Variants in DOC2A observed in about 807,000 individuals in gnomAD.
DOC2A encodes the protein double C2-like domain-containing protein alpha.
Under a neutral mutation model 40.6 loss-of-function variants are expected in DOC2A, and 28 were observed. The ratio of observed to expected loss-of-function variants is 0.69; its 90% CI spans 0.51 to 0.95. The LOEUF is 0.95. Ranked by LOEUF, DOC2A falls within the 40% of genes least tolerant of loss-of-function variation. DOC2A has a pLI of 0.00. For missense variants in DOC2A, 474 were observed against 552.5 expected (o/e 0.86, Z 1.42); for synonymous variants, 241 against 236.9 (o/e 1.02, Z -0.16).
chr16:30,023,202 C>A (rs1056096396), upstream of DOC2A: 1 of 700,836 alleles, frequency 1.4e-6, no homozygotes, highest in Non-Finnish European at 2.4e-6. Context: ...CCCAACCTCT[C>A]TTCTCCTCTC....
Position 30,009,809 on chromosome 16 carries a change from A to G in DOC2A, c.262+152T>C. On this transcript the variant is annotated intron_variant, in intron 2 of 10. Transcript: ENST00000350119. This position sits in a 1 kb window ranked among gnomAD's most constrained non-coding sequence, Gnocchi z 4.1. ...TGCTGAAGCTGTAATCTCCACGCTG[A>G]CTGCAGCTGTGGTGGCCGTCCCTGC... is the stretch of plus-strand genomic sequence containing the variant. 1 of 940,672 alleles carries G rather than the reference A, an allele frequency of 1.1e-6. No individual in the cohort carries two copies. The highest frequency in any genetic ancestry group is 1.4e-5 in the South Asian group (1 of 70,826). The allele number at this position is 940,672 out of a possible 1,614,324, so 58.3% of individuals were successfully genotyped here.
upstream of DOC2A, among the ~76,000 whole-genome samples, chr16:30,022,434 G>T (rs1156380038): frequency 6.6e-6 from 1 of 152,122 alleles, no homozygotes; most frequent in African/African-American, 2.4e-5. Flanking sequence ...ACTTTGGGAG[G>T]CCGAAGCTGG....
rs574751995 is a variant in DOC2A, at chr16:30,009,869, C to T, written c.262+92G>A. ...ACTGCCCTCCTCCCCTACCTACATG[C>T]ACAGCCAGCAGGGCCCATCCCCCTC... On this transcript the variant is annotated intron_variant, in intron 2 of 10. Transcript: ENST00000350119. This position sits in a 1 kb window ranked among gnomAD's most constrained non-coding sequence, Gnocchi z 4.1. 7.1e-7 allele frequency: 1 copy of T among 1,418,016 alleles called. No individual in the cohort carries two copies. The highest frequency in any genetic ancestry group is 1.7e-5 in the Admixed American group (1 of 57,604). 87.8% of individuals were successfully genotyped at this position (1,418,016 alleles called of 1,614,324 possible).
In DOC2A at chr16:30,006,256, G is replaced by A. The variant is rs773655247; in HGVS notation, c.1133C>T (p.Ala378Val). ...HWSDCLQQPDAALERWHTLTS... is the reference protein window; with the variant it reads ...HWSDCLQQPDVALERWHTLTS... ...CAGGGTGTGCCAGCGCTCCAGGGCT[G>A]CGTCCGGCTGCTGCAGGCAGTCACT... Residue 378 changes from alanine (A) to valine (V), a missense_variant, in exon 11 of 11, where the codon GCA becomes GTA. Transcript: ENST00000350119. The surrounding 1 kb of genome is among the most constrained non-coding windows in gnomAD (Gnocchi z 6.2). The A allele has an allele frequency of 1.3e-6, 2 of 1,596,444 alleles. No individual in the cohort carries two copies. The highest frequency in any genetic ancestry group is 4.5e-5 in the East Asian group (2 of 44,088).
At chr16:30,019,274 C>T (rs139899259) in intron 1 of DOC2A, among the ~76,000 whole-genome samples, 3 of 152,216 alleles carry the variant, frequency 2.0e-5, no homozygotes, top group East Asian at 3.9e-4. Context: ...GCCGAGATCG[C>T]GCCACTGCAC....
chr16:30,017,609 T>G (rs2070866921), intron 1 of DOC2A, among the ~76,000 whole-genome samples: 1 of 151,830 alleles, frequency 6.6e-6, no homozygotes. Flanking sequence ...GACATAAAGA[T>G]GAGAATAACA....
chr16:30,018,839 G>C (rs1413630721), intron 1 of DOC2A: 1 of 152,334 alleles, frequency 6.6e-6, no homozygotes, highest in African/African-American at 2.4e-5. Context: ...GAGTTGGCTG[G>C]AGAAGGAGTC....
chr16:30,007,292 C>A lies in DOC2A; in HGVS notation c.535G>T (p.Val179Phe). The A allele has an allele frequency of 6.2e-7, 1 of 1,613,862 alleles. No individual in the cohort carries two copies. The highest frequency in any genetic ancestry group is 8.5e-7 in the Non-Finnish European group (1 of 1,180,032). ...TGACTCAGCTTGTCCTCATCACAGA[C>A]GGCGATCCTGGTCGGGAACTGCAGT... ...DITHKVLRIA[V>F]CDEDKLSHNE... The change falls in exon 6 of 11, where the codon GTC (valine) becomes TTC (phenylalanine). Residue 179 changes from valine to phenylalanine, a missense_variant. By Grantham distance (50) the Val-to-Phe change is conservative. Transcript: ENST00000350119.
chr16:30,021,477 G>C (rs932417777), upstream of DOC2A: 2 of 152,396 alleles, frequency 1.3e-5, no homozygotes, highest in Admixed American at 1.3e-4. Flanking sequence ...GGGAGCCGCC[G>C]GCCACAGAAG....
rs1357301063 is a variant in DOC2A, at chr16:30,005,941, CG to C, written c.*244del. The C allele has an allele frequency of 1.2e-5, 7 of 581,490 alleles. No homozygotes were observed. Among genetic ancestry groups the C allele is most frequent in the South Asian group, 2.1e-5 (1 of 47,850 alleles). The allele number at this position is 581,490 out of a possible 1,614,324, so 36.0% of individuals were successfully genotyped here. A position where few individuals can be genotyped will look rare whatever the true frequency, so the allele number is the denominator to read the frequency against. ...CTGGGGCCGGGCTCTGAGCACTGCCCGGGTGTGCAGATGATGGGGGGTTTGC... is the reference window on the plus strand; with the variant it reads ...CTGGGGCCGGGCTCTGAGCACTGCCCGGTGTGCAGATGATGGGGGGTTTGC... On this transcript the variant is annotated 3_prime_UTR_variant, in exon 11 of 11. Transcript: ENST00000350119.
chr16:30,009,074 T>C lies in DOC2A; in HGVS notation c.449A>G (p.Asn150Ser). The C allele has an allele frequency of 6.2e-7, 1 of 1,614,084 alleles. No homozygotes were observed. The highest frequency in any genetic ancestry group is 1.3e-5 in the African/African-American group (1 of 75,044). Residue 150 changes from asparagine (N) to serine (S), a missense_variant, in exon 5 of 11, where the codon AAC becomes AGC. By Grantham distance (46) the Asn-to-Ser change is conservative (BLOSUM62 1). Transcript: ENST00000350119. This position sits in a 1 kb window ranked among gnomAD's most constrained non-coding sequence, Gnocchi z 4.1. ...CTCATTCCACACGGGATTCAGTGTG[T>C]TCCTCTGAGTCTTCGTTTTTAGCTT... ...ANKLKTKTQR[N>S]TLNPVWNEDL... is the part of the protein sequence containing the mutation.
chr16:30,007,479 C>A, intron 5 of DOC2A, 180 bp from the exon 6 acceptor site: 1 of 777,404 alleles, frequency 1.3e-6, no homozygotes, highest in Non-Finnish European at 2.1e-6. Context: ...CTGCAGCCAC[C>A]CGGCTGTCCC....
At position 30,007,025 on chromosome 16, in the gene DOC2A, C is replaced by T; in HGVS notation, c.714+6G>A. The T allele has an allele frequency of 6.2e-7, 1 of 1,613,814 alleles. No homozygotes were observed. The highest frequency in any genetic ancestry group is 8.5e-7 in the Non-Finnish European group (1 of 1,179,908). On this transcript the variant is annotated splice_donor_region_variant and intron_variant, in intron 7 of 10. Coordinates refer to ENST00000350119, the MANE Select transcript of DOC2A (RefSeq NM_003586.3). ...CATGCATCCCCATCCCCATGAGGTG[C>T]CTCACCTCCTTCAGATAACAGGAGA...
intron 5 of DOC2A, chr16:30,007,703 A>G (rs536749165): frequency 1.4e-4 from 46 of 318,214 alleles, no homozygotes; most frequent in Admixed American, 2.7e-4. Flanking sequence ...CTTTTCCTGC[A>G]TGCAGCAGAG....
At position 30,010,077 on chromosome 16, in the gene DOC2A, C is replaced by T; in HGVS notation, c.146G>A (p.Gly49Asp). 1 of 1,611,390 alleles carries T rather than the reference C, an allele frequency of 6.2e-7. No individual in the cohort carries two copies. Among genetic ancestry groups the T allele is most frequent in the East Asian group, 2.2e-5 (1 of 44,862 alleles). The change falls in exon 2 of 11, where the codon GGC becomes GAC. Residue 49 changes from glycine to aspartate, a missense_variant. Transcript: ENST00000350119. The surrounding 1 kb of genome is among the most constrained non-coding windows in gnomAD (Gnocchi z 4.2). ...GPGPEGGGGGGGEAPAHLVPL... is the reference protein window; with the variant it reads ...GPGPEGGGGGDGEAPAHLVPL... ...GACCAGATGGGCGGGGGCCTCCCCG[C>T]CGCCCCCGCCGCCCCCTTCAGGTCC...
At chr16:30,019,412 C>T (rs576883406) in intron 1 of DOC2A, among the ~76,000 whole-genome samples, 5 of 152,214 alleles carry the variant, frequency 3.3e-5, no homozygotes, top group Non-Finnish European at 4.4e-5. Flanking sequence ...TAGAATGATG[C>T]GCATCTATGA....
chr16:30,006,089 G>A lies in DOC2A; in HGVS notation c.*97C>T. On this transcript the variant is annotated 3_prime_UTR_variant, in exon 11 of 11. Transcript: ENST00000350119. The surrounding 1 kb of genome is among the most constrained non-coding windows in gnomAD (Gnocchi z 6.2). ...CTCACAAAAATAGGTAGTGCAGGGT[G>A]GGGGCAGCCCACCCTGTGTAAACGT... 1.4e-6 allele frequency: 2 copies of A among 1,393,814 alleles called. No homozygotes were observed. Among genetic ancestry groups the A allele is most frequent in the Non-Finnish European group, 1.9e-6 (2 of 1,039,860 alleles). The allele number at this position is 1,393,814 out of a possible 1,614,324, so 86.3% of individuals were successfully genotyped here.
upstream of DOC2A, chr16:30,012,478 A>C (rs1312170418): frequency 2.0e-5 from 3 of 152,012 alleles, no homozygotes; most frequent in Non-Finnish European, 4.4e-5. Context: ...AACATACCTA[A>C]CACCACCTAA....
At chr16:30,018,402 C>T (rs1322749594) in intron 1 of DOC2A, among the ~76,000 whole-genome samples, 1 of 152,092 alleles carries the variant, frequency 6.6e-6, no homozygotes, top group African/African-American at 2.4e-5. Flanking sequence ...CTCACTTCAA[C>T]CTTGAACTCC....
Sources: gnomAD v4.1 joint callset for allele counts (sites outside exome capture counted in the v4.1 genomes callset) on GRCh38, gnomAD v4.1.1 for gene constraint, Gnocchi (gnomAD v3.1) non-coding constraint, MANE v1.5 for transcripts, NCBI Gene and HGNC (gene_info 2026-07-23, HGNC 2026-07-21) for gene names.